GRK5: variants seen among roughly 807,000 people sequenced by gnomAD.
The protein encoded by GRK5 is G protein-coupled receptor kinase 5.
Under a neutral mutation model 78.4 loss-of-function variants are expected in GRK5, and 40 were observed. That is an observed-to-expected ratio of 0.51 (90% confidence interval 0.40 to 0.66). The LOEUF (loss-of-function observed/expected upper bound fraction) is 0.66. GRK5 is among the 30% of genes least tolerant of loss of function. The probability of loss-of-function intolerance (pLI) is 0.00; values close to 1 mark genes in which losing one functional copy is unlikely to be tolerated. For missense variants in GRK5, 598 were observed against 759.9 expected, an observed-to-expected ratio of 0.79 and a Z score of 2.50; for synonymous variants, 289 against 296.8, an observed-to-expected ratio of 0.97 and a Z score of 0.27.
In GRK5 at chr10:119,394,250, GT is replaced by G. The variant is rs879854052; in HGVS notation, c.262-2444del. On this transcript the variant is annotated intron_variant, in intron 3 of 15. Coordinates refer to ENST00000392870, the MANE Select transcript of GRK5 (RefSeq NM_005308.3). ...GGTGTGGGTGTGTGGGTGTCTGTGTGTGGATGTATCTGTGTGTGTGTGGGCG... is the reference window on the plus strand; with the variant it reads ...GGTGTGGGTGTGTGGGTGTCTGTGTGGGATGTATCTGTGTGTGTGTGGGCG... Among the ~76,000 whole-genome samples, 1,076 of 113,284 alleles carry G rather than the reference GT, an allele frequency of 9.5e-3. 52 individuals are homozygous for G. The highest frequency in any genetic ancestry group is 0.01 in the Non-Finnish European group (531 of 52,610). The allele number at this position is 113,284 out of a possible 152,430, so 74.3% of individuals were successfully genotyped here.
chr10:119,425,257 G>GCGCACACACA (rs1852652439), intron 6 of GRK5, among the ~76,000 whole-genome samples, 172 bp downstream of exon 6: 1 of 92,462 alleles, frequency 1.1e-5, no homozygotes, highest in South Asian at 3.5e-4. Context: ...GCTTATTCAA[G>GCGCACACACA]CACACACACA....
At chr10:119,385,610 T>C (rs1851781304) in intron 3 of GRK5, among the ~76,000 whole-genome samples, 1 of 152,138 alleles carries the variant, frequency 6.6e-6, no homozygotes, top group Admixed American at 6.5e-5. Context: ...ATTTGAGACT[T>C]GTGTGGAAGG....
At chr10:119,213,578 A>G (rs904177087) in intron 1 of GRK5, among the ~76,000 whole-genome samples, 9 of 152,184 alleles carry the variant, frequency 5.9e-5, no homozygotes, top group African/African-American at 9.6e-5. Flanking sequence ...CCACTTTAAA[A>G]CATATCCTGT....
In GRK5 at chr10:119,339,868, C is replaced by T. The variant is rs77969363; in HGVS notation, c.148+13257C>T. Among the ~76,000 whole-genome samples, 415 of 152,242 alleles carry T rather than the reference C, an allele frequency of 2.7e-3. 5 individuals are homozygous for T. The highest frequency in any genetic ancestry group is 9.2e-3 in the African/African-American group (384 of 41,536). The stretch of plus-strand genomic sequence containing the variant: ...TGTGATCACACCATTGCACTCCAAC[C>T]TGGGCGATGGGAGTGAAACTCTGTC... On this transcript the variant is annotated intron_variant, in intron 2 of 15. Transcript: ENST00000392870.
intron 1 of GRK5, among the ~76,000 whole-genome samples, chr10:119,219,075 G>T (rs1416666561): frequency 6.6e-6 from 1 of 151,940 alleles, no homozygotes; most frequent in Admixed American, 6.6e-5. Flanking sequence ...TTTTAGTAGA[G>T]AGCGGGTTTC....
At chr10:119,259,040 T>G (rs868655922) in intron 1 of GRK5, among the ~76,000 whole-genome samples, 3 of 150,818 alleles carry the variant, frequency 2.0e-5, no homozygotes, top group African/African-American at 7.3e-5. Flanking sequence ...CCATCCTCTT[T>G]CCATGACACT....
chr10:119,246,049 A>T (rs1202122293), intron 1 of GRK5, among the ~76,000 whole-genome samples: 1 of 150,902 alleles, frequency 6.6e-6, no homozygotes, highest in Admixed American at 6.6e-5. Context: ...AAAAAAAGAA[A>T]AAAAGATAAA....
intron 4 of GRK5, among the ~76,000 whole-genome samples, chr10:119,421,561 C>T (rs1251550473): frequency 6.6e-6 from 1 of 152,222 alleles, no homozygotes; most frequent in East Asian, 1.9e-4. Flanking sequence ...CTGTGGGTTG[C>T]TCTTCTGTGT....
At chr10:119,324,680 C>T (rs1850644305) in intron 1 of GRK5, among the ~76,000 whole-genome samples, 2 of 152,160 alleles carry the variant, frequency 1.3e-5, no homozygotes, top group African/African-American at 4.8e-5. Flanking sequence ...GTGAAGCCTG[C>T]AGGTGAGGGG....
chr10:119,407,465 G>A (rs1187240723), intron 4 of GRK5, among the ~76,000 whole-genome samples: 2 of 152,214 alleles, frequency 1.3e-5, no homozygotes, highest in Non-Finnish European at 2.9e-5. Flanking sequence ...GTGTCTAAAT[G>A]CTGAGACATT....
chr10:119,395,405 G>A (rs1217270871), intron 3 of GRK5, among the ~76,000 whole-genome samples: 1 of 152,166 alleles, frequency 6.6e-6, no homozygotes, highest in African/African-American at 2.4e-5. Flanking sequence ...ACACTGAGGT[G>A]TGAAGTTTCC....
In GRK5 at chr10:119,366,375, G is replaced by C. The variant is rs147683159; in HGVS notation, c.149-14440G>C. 1.8e-4 allele frequency among the ~76,000 whole-genome samples: 27 copies of C among 152,102 alleles called. No homozygotes were observed. In the East Asian group the frequency reaches 5.2e-3, roughly 29 times the overall value. ...GGCAAAGGGGGTGGCGGAGGAGAGA[G>C]AGAATTTACAGCTTAGTTGGGGAGG... On this transcript the variant is annotated intron_variant, in intron 2 of 15. Coordinates refer to ENST00000392870, the MANE Select transcript of GRK5 (RefSeq NM_005308.3).
chr10:119,239,379 C>A (rs1848984061), intron 1 of GRK5, among the ~76,000 whole-genome samples: 2 of 152,006 alleles, frequency 1.3e-5, no homozygotes, highest in South Asian at 4.2e-4. Context: ...GGACTACAGG[C>A]ACCTGCCACC....
At chr10:119,396,557 C>T (rs188867286) in intron 3 of GRK5, 138 bp from the exon 4 acceptor site, 17 of 687,234 alleles carry the variant, frequency 2.5e-5, no homozygotes, top group South Asian at 5.5e-5. Flanking sequence ...GGTCTTCCCC[C>T]CCGGTTTCCT....
At chr10:119,221,173 C>T (rs773963969) in intron 1 of GRK5, among the ~76,000 whole-genome samples, 12 of 152,004 alleles carry the variant, frequency 7.9e-5, no homozygotes, top group Non-Finnish European at 1.5e-4. Context: ...AAAAAAAGTC[C>T]AAAGGACCAT....
At chr10:119,420,346 AAACAAAC>A (rs1414399954) in intron 4 of GRK5, among the ~76,000 whole-genome samples, 3 of 61,776 alleles carry the variant, frequency 4.9e-5, no homozygotes, top group South Asian at 5.7e-4. Flanking sequence ...TAAAACAAAC[AAACAAAC>A]AAAAAAAAAA....
intron 2 of GRK5, among the ~76,000 whole-genome samples, chr10:119,371,457 T>C (rs1851546083): frequency 6.6e-6 from 1 of 152,268 alleles, no homozygotes; most frequent in Non-Finnish European, 1.5e-5. Context: ...CAGCATTTAT[T>C]TATCTTAACT....
chr10:119,290,035 T>A (rs552846427), intron 1 of GRK5, among the ~76,000 whole-genome samples: 2 of 152,314 alleles, frequency 1.3e-5, no homozygotes, highest in South Asian at 4.1e-4. Context: ...CCCCAGTTGC[T>A]GAACAGCTCC....
chr10:119,263,361 A>AT (rs1038144278), intron 1 of GRK5, among the ~76,000 whole-genome samples: 1 of 151,626 alleles, frequency 6.6e-6, no homozygotes, highest in Non-Finnish European at 1.5e-5. Context: ...TGGAAAAAAA[A>AT]TTTTTTTTTC....
Sources: allele counts gnomAD v4.1 joint callset (sites outside exome capture counted in the v4.1 genomes callset), GRCh38; gene constraint gnomAD v4.1.1; transcripts MANE v1.5; gene names NCBI Gene and HGNC (gene_info 2026-07-23, HGNC 2026-07-21).